The following LINGO2 variants were observed in gnomAD, a reference collection of about 807,000 sequenced individuals.
LINGO2 encodes the protein leucine-rich repeat and immunoglobulin-like domain-containing nogo receptor-interacting protein 2.
Under a neutral mutation model 30.6 loss-of-function variants are expected in LINGO2, and 14 were observed. The ratio of observed to expected loss-of-function variants is 0.46; its 90% CI spans 0.30 to 0.72. The LOEUF is 0.72. LINGO2 is among the 30% of genes least tolerant of loss of function. LINGO2 has a pLI of 0.07. For missense variants in LINGO2, 729 were observed against 751.7 expected (o/e 0.97, Z 0.35); for synonymous variants, 317 against 288.5 (o/e 1.10, Z -1.00).
At chr9:28,453,485 A>G (rs965145582) in intron 2 of LINGO2, among the ~76,000 whole-genome samples, 3 of 151,974 alleles carry the variant, frequency 2.0e-5, no homozygotes, top group African/African-American at 7.2e-5. Context: ...TGTGAAATAA[A>G]TAAAATATTC....
intron 2 of LINGO2, among the ~76,000 whole-genome samples, chr9:28,402,719 T>C (rs1486906374): frequency 6.6e-6 from 1 of 152,064 alleles, no homozygotes; most frequent in Non-Finnish European, 1.5e-5. Context: ...ACATCTGACA[T>C]GACATGCACA....
intron 1 of LINGO2, among the ~76,000 whole-genome samples, chr9:28,559,100 T>C (rs1822905140): frequency 6.6e-6 from 1 of 152,160 alleles, no homozygotes; most frequent in Non-Finnish European, 1.5e-5. Flanking sequence ...TGCATATACA[T>C]TCAATTTGCA....
chr9:28,583,252 T>C (rs1803351954), intron 1 of LINGO2, among the ~76,000 whole-genome samples: 1 of 152,036 alleles, frequency 6.6e-6, no homozygotes, highest in Admixed American at 6.6e-5. Flanking sequence ...ATTAGTTTCA[T>C]AGCTCCAATG....
At chr9:28,621,474 C>A (rs1826391518) in intron 1 of LINGO2, among the ~76,000 whole-genome samples, 1 of 151,696 alleles carries the variant, frequency 6.6e-6, no homozygotes, top group Admixed American at 6.6e-5. Context: ...AATACCCCAA[C>A]TGGCACAAGA....
intron 5 of LINGO2, among the ~76,000 whole-genome samples, chr9:28,008,369 A>G (rs1270029320): frequency 6.6e-6 from 1 of 152,158 alleles, no homozygotes; most frequent in Non-Finnish European, 1.5e-5. Flanking sequence ...AAATACAACC[A>G]GAAAGGTACA....
At chr9:28,646,312 G>C (rs1374876786) in intron 1 of LINGO2, among the ~76,000 whole-genome samples, 1 of 152,084 alleles carries the variant, frequency 6.6e-6, no homozygotes, top group Non-Finnish European at 1.5e-5. Flanking sequence ...TTTGAAGCTA[G>C]AGAAATAGAG....
At chr9:28,669,121 C>T (rs540485371) in intron 1 of LINGO2, among the ~76,000 whole-genome samples, 3 of 152,078 alleles carry the variant, frequency 2.0e-5, no homozygotes, top group East Asian at 1.9e-4. Flanking sequence ...ATGAAGAATA[C>T]AAGTTTTCTT....
chr9:28,405,604 T>C (rs186249632), intron 2 of LINGO2, among the ~76,000 whole-genome samples: 35 of 152,300 alleles, frequency 2.3e-4, no homozygotes, highest in Middle Eastern at 3.4e-3. Context: ...GACATATACA[T>C]ATACACATTC....
chr9:27,999,173 A>G (rs539506652), intron 5 of LINGO2, among the ~76,000 whole-genome samples: 51 of 152,158 alleles, frequency 3.4e-4, no homozygotes, highest in Admixed American at 1.6e-3. Context: ...CTAAAAATGA[A>G]AAAGCAAAAA....
rs192274562 is a variant in LINGO2 at position 28,403,698 on chromosome 9, G to A, written c.-278-30830C>T. On this transcript the variant is annotated intron_variant, in intron 2 of 5. Transcript: ENST00000379992. ...AGGATGACCTCAACTTTTCCTGGAC[G>A]CCCAGAATAATATGCATGAAACTTT... Among the ~76,000 whole-genome samples, 11 of 146,004 alleles carry A rather than the reference G, an allele frequency of 7.5e-5. No individual in the cohort carries two copies. The East Asian group carries it at 1.8e-3, about 24-fold the overall frequency.
At chr9:27,948,273 CT>C (rs923001676) in exon 6 of LINGO2, 1 of 152,266 alleles carries the variant, frequency 6.6e-6, no homozygotes, top group African/African-American at 2.4e-5. Flanking sequence ...ACACTTGGAT[CT>C]ATAGTGGTGA....
chr9:28,266,312 C>T (rs1822748794), intron 4 of LINGO2, among the ~76,000 whole-genome samples: 1 of 151,924 alleles, frequency 6.6e-6, no homozygotes, highest in Non-Finnish European at 1.5e-5. Flanking sequence ...AAAGAAAGAA[C>T]TTCACTCAGA....
the LINGO2 span, among the ~76,000 whole-genome samples, chr9:29,134,670 T>C: frequency 3.9e-5 from 6 of 152,150 alleles, no homozygotes; most frequent in Non-Finnish European, 8.8e-5. Flanking sequence ...CTGATGTTTG[T>C]ATAATAATCC....
At chr9:28,078,098 T>G (rs539388485) in intron 4 of LINGO2, among the ~76,000 whole-genome samples, 2 of 149,446 alleles carry the variant, frequency 1.3e-5, no homozygotes. Context: ...GCTGGTAATG[T>G]ATTGACAGAG....
At chr9:28,724,038 C>T in the LINGO2 span, among the ~76,000 whole-genome samples, 1 of 151,964 alleles carries the variant, frequency 6.6e-6, no homozygotes, top group Admixed American at 6.6e-5. Context: ...CACAATAATA[C>T]AAACATACCA....
chr9:27,938,323 A>G, the LINGO2 span: 1 of 152,182 alleles, frequency 6.6e-6, no homozygotes, highest in Non-Finnish European at 1.5e-5. Flanking sequence ...AGCAGGGTTC[A>G]TACTCAATGA....
At chr9:28,475,516 G>A (rs544729365) in intron 2 of LINGO2, among the ~76,000 whole-genome samples, 46 of 152,190 alleles carry the variant, frequency 3.0e-4, no homozygotes, top group African/African-American at 7.0e-4. Flanking sequence ...AATAATACAC[G>A]AAAGTATTTA....
chr9:28,967,798 C>G, the LINGO2 span, among the ~76,000 whole-genome samples: 313 of 152,278 alleles, frequency 2.1e-3, 1 homozygote, highest in African/African-American at 7.2e-3. Flanking sequence ...AGATGTATAG[C>G]ATACAATCTA....
Position 28,001,139 on chromosome 9 carries a change from A to AT in LINGO2, c.-36+11215dup, listed in dbSNP as rs925531889. Reference sequence around the variant, plus strand: ...ATCTAGTACAGAAGTTTCCAAACAAATTTTTTTTTAACTATAGAATCCTTT... The same window carrying AT: ...ATCTAGTACAGAAGTTTCCAAACAAATTTTTTTTTTAACTATAGAATCCTTT... On this transcript the variant is annotated intron_variant, in intron 5 of 5. Transcript: ENST00000379992. 5.4e-3 allele frequency among the ~76,000 whole-genome samples: 822 copies of AT among 151,946 alleles called. 12 individuals are homozygous for AT. The highest frequency in any genetic ancestry group is 0.018 in the African/African-American group (763 of 41,464).
Sources: gnomAD v4.1 joint callset for allele counts (sites outside exome capture counted in the v4.1 genomes callset) on GRCh38, gnomAD v4.1.1 for gene constraint, MANE v1.5 for transcripts, NCBI Gene and HGNC (gene_info 2026-07-23, HGNC 2026-07-21) for gene names.